Variants in SLC35F3 observed in about 807,000 individuals in gnomAD.
The protein encoded by SLC35F3 is putative thiamine transporter SLC35F3.
In SLC35F3, 25 loss-of-function variants were observed where a neutral mutation model predicts 49.9. The observed-to-expected ratio is 0.50, with a 90% CI of 0.37 to 0.70. SLC35F3 has a LOEUF of 0.70. Ranked by LOEUF, SLC35F3 falls within the 30% of genes least tolerant of loss-of-function variation. The pLI is 0.00. For synonymous variants in SLC35F3, 275 were observed against 265.4 expected, an observed-to-expected ratio of 1.04 and a Z score of -0.35; for missense variants, 525 against 639.8, an observed-to-expected ratio of 0.82 and a Z score of 1.94.
intron 2 of SLC35F3, among the ~76,000 whole-genome samples, chr1:233,940,047 G>A (rs2102798400): frequency 6.6e-6 from 1 of 152,108 alleles, no homozygotes; most frequent in South Asian, 2.1e-4. Context: ...TTTATATATT[G>A]GGATGAGCCT....
At chr1:233,989,177 A>G (rs905773462) in intron 2 of SLC35F3, among the ~76,000 whole-genome samples, 1 of 152,206 alleles carries the variant, frequency 6.6e-6, no homozygotes, top group African/African-American at 2.4e-5. Flanking sequence ...GTGGGGCTGC[A>G]CGCATTCTCT....
chr1:234,210,936 C>T (rs1034659077), intron 2 of SLC35F3, among the ~76,000 whole-genome samples: 12 of 152,230 alleles, frequency 7.9e-5, no homozygotes, highest in African/African-American at 1.7e-4. Flanking sequence ...ATCACAGGCC[C>T]GGAAGCCTAG....
intron 3 of SLC35F3, 86 bp from the exon 4 acceptor site, chr1:234,309,015 T>TTAA: frequency 2.1e-6 from 2 of 951,492 alleles, no homozygotes; most frequent in Non-Finnish European, 3.1e-6. Context: ...TATATTTGCT[T>TTAA]AAAAAAAAAA....
At chr1:234,078,482 T>C (rs892038363) in intron 2 of SLC35F3, among the ~76,000 whole-genome samples, 1 of 152,204 alleles carries the variant, frequency 6.6e-6, no homozygotes, top group Non-Finnish European at 1.5e-5. Flanking sequence ...AGTGAACTCA[T>C]CTTCCGCAAC....
At chr1:234,322,889 G>A in intron 7 of SLC35F3, 119 bp from the exon 8 acceptor site, 1 of 789,134 alleles carries the variant, frequency 1.3e-6, no homozygotes, top group South Asian at 1.7e-5. Context: ...AGAATCCTGT[G>A]GTCCAGGGAA....
rs374934732 is a variant in SLC35F3 at position 234,273,406 on chromosome 1, C to T, written c.609-35695C>T. Among the ~76,000 whole-genome samples, 4 of 152,322 alleles carry T rather than the reference C, an allele frequency of 2.6e-5. No homozygotes were observed. The East Asian group carries it at 5.8e-4, about 22-fold the overall frequency. The stretch of plus-strand genomic sequence containing the variant: ...GCAAGCCCAGGCAACCCCCCTCCCA[C>T]GAGCCTCCCTACAATTCCAGCAGTC... On this transcript the variant is annotated intron_variant, in intron 3 of 7. Transcript: ENST00000366618.
chr1:233,948,047 G>A (rs1228875051), intron 2 of SLC35F3, among the ~76,000 whole-genome samples: 1 of 148,740 alleles, frequency 6.7e-6, no homozygotes, highest in Non-Finnish European at 1.5e-5. Context: ...AAAAAAAAAA[G>A]AGGCTGGAAA....
intron 3 of SLC35F3, chr1:234,274,537 G>C (rs1668165979): frequency 6.6e-6 from 1 of 152,232 alleles, no homozygotes; most frequent in Non-Finnish European, 1.5e-5. Context: ...GGGATCCCTG[G>C]ATAGTAACTT....
chr1:233,969,065 G>GA (rs1269700328), intron 2 of SLC35F3, among the ~76,000 whole-genome samples: 1 of 150,250 alleles, frequency 6.7e-6, no homozygotes, highest in Non-Finnish European at 1.5e-5. Context: ...TATTTTGGGG[G>GA]GGGGGACACA....
intron 2 of SLC35F3, among the ~76,000 whole-genome samples, chr1:234,195,474 G>C (rs768719465): frequency 3.4e-4 from 52 of 152,122 alleles, no homozygotes; most frequent in Admixed American, 1.0e-3. Flanking sequence ...GTGGATTCCT[G>C]CCTATTCCAC....
At chr1:234,102,316 T>A (rs1473662858) in intron 2 of SLC35F3, among the ~76,000 whole-genome samples, 2 of 152,174 alleles carry the variant, frequency 1.3e-5, no homozygotes, top group Non-Finnish European at 2.9e-5. Flanking sequence ...TCAGGTTTGT[T>A]TGGAATGGTT....
chr1:234,028,770 G>A (rs4920209), intron 2 of SLC35F3, among the ~76,000 whole-genome samples: 52,124 of 151,770 alleles, frequency 0.34, 10,353 homozygotes, highest in Non-Finnish European at 0.45. Context: ...TCCTATAACA[G>A]TGCCTGCAGG....
intron 2 of SLC35F3, among the ~76,000 whole-genome samples, chr1:234,141,581 G>C (rs1665914573): frequency 1.3e-5 from 2 of 152,130 alleles, no homozygotes; most frequent in African/African-American, 4.8e-5. Context: ...CACTTAGTCT[G>C]ATATCTATCC....
intron 2 of SLC35F3, among the ~76,000 whole-genome samples, chr1:234,176,193 G>C (rs1383305326): frequency 2.9e-4 from 44 of 152,192 alleles, no homozygotes; most frequent in Non-Finnish European, 7.3e-5. Flanking sequence ...AAGCTCTGAA[G>C]CCATTCTCCA....
At chr1:233,946,198 T>C (rs2102801918) in intron 2 of SLC35F3, among the ~76,000 whole-genome samples, 1 of 152,342 alleles carries the variant, frequency 6.6e-6, no homozygotes, top group Non-Finnish European at 1.5e-5. Context: ...GGTGTACAAC[T>C]GCTCAAGCTT....
intron 2 of SLC35F3, among the ~76,000 whole-genome samples, chr1:233,958,722 A>G (rs1052874320): frequency 6.6e-6 from 1 of 152,236 alleles, no homozygotes; most frequent in Non-Finnish European, 1.5e-5. Flanking sequence ...GGATAGCTAT[A>G]CCACAGGACT....
chr1:234,008,215 G>C (rs151322102), intron 2 of SLC35F3, among the ~76,000 whole-genome samples: 29 of 152,254 alleles, frequency 1.9e-4, no homozygotes, highest in Middle Eastern at 3.4e-3. Flanking sequence ...TAGCTATTTA[G>C]TCAACACCAA....
intron 2 of SLC35F3, among the ~76,000 whole-genome samples, chr1:234,116,404 A>G (rs1665486712): frequency 1.3e-5 from 2 of 152,332 alleles, no homozygotes. Flanking sequence ...TTAAGTCACA[A>G]GACCACAGGG....
intron 3 of SLC35F3, among the ~76,000 whole-genome samples, chr1:234,240,678 G>A (rs186938407): frequency 6.6e-6 from 1 of 152,198 alleles, no homozygotes; most frequent in Admixed American, 6.5e-5. Flanking sequence ...TGATGATGAT[G>A]ATCATGAGGT....
Sources: gnomAD v4.1 joint callset for allele counts (sites outside exome capture counted in the v4.1 genomes callset) on GRCh38, gnomAD v4.1.1 for gene constraint, MANE v1.5 for transcripts, NCBI Gene and HGNC (gene_info 2026-07-23, HGNC 2026-07-21) for gene names.